The following CTNNA3 variants were observed in gnomAD, a reference collection of about 807,000 sequenced individuals.
CTNNA3 encodes catenin alpha 3, also known as catenin alpha-3.
CTNNA3 carries 76 observed loss-of-function variants against 95.7 expected under a neutral mutation model. That is an observed-to-expected ratio of 0.79 (90% CI 0.66 to 0.96). CTNNA3 has a LOEUF of 0.96. CTNNA3 is among the 40% of genes least tolerant of loss of function. CTNNA3 has a pLI of 0.00. For synonymous variants in CTNNA3, 431 were observed against 374.4 expected, an observed-to-expected ratio of 1.15 and a Z score of -1.74; for missense variants, 1,191 against 1,089.8, an observed-to-expected ratio of 1.09 and a Z score of -1.31.
intron 17 of CTNNA3, among the ~76,000 whole-genome samples, chr10:65,926,029 C>T (rs1284233090): frequency 6.7e-6 from 1 of 149,358 alleles, no homozygotes; most frequent in Non-Finnish European, 1.5e-5. Context: ...GTAATGTATG[C>T]TAGATGTATT....
intron 6 of CTNNA3, among the ~76,000 whole-genome samples, chr10:67,215,146 T>C (rs1864300823): frequency 6.6e-6 from 1 of 152,122 alleles, no homozygotes; most frequent in African/African-American, 2.4e-5. Flanking sequence ...TCTTCAAATA[T>C]CTTTCAGATC....
chr10:66,955,778 T>C (rs551582152), intron 7 of CTNNA3, among the ~76,000 whole-genome samples: 3 of 152,312 alleles, frequency 2.0e-5, no homozygotes, highest in Admixed American at 6.5e-5. Context: ...TCTTCATTGA[T>C]GGTATAAACA....
intron 5 of CTNNA3, among the ~76,000 whole-genome samples, chr10:67,305,130 G>A (rs1456715329): frequency 6.6e-6 from 1 of 152,024 alleles, no homozygotes; most frequent in African/African-American, 2.4e-5. Context: ...CAAAAAATTA[G>A]CAGGGAGTGG....
At chr10:66,980,882 CCA>C (rs1438562072) in intron 7 of CTNNA3, among the ~76,000 whole-genome samples, 2 of 152,014 alleles carry the variant, frequency 1.3e-5, no homozygotes, top group East Asian at 3.9e-4. Flanking sequence ...CTTCAAGCAT[CCA>C]CAGTTTTTCT....
rs1185735505 is a variant in CTNNA3, at chr10:67,691,425, G to A, written c.-6+4575C>T. Among the ~76,000 whole-genome samples, 7 of 151,654 alleles carry A rather than the reference G, an allele frequency of 4.6e-5. No individual in the cohort carries two copies. The East Asian group carries it at 1.4e-3, about 30-fold the overall frequency. On this transcript the variant is annotated intron_variant, in intron 1 of 17. Coordinates refer to ENST00000433211, the MANE Select transcript of CTNNA3 (RefSeq NM_013266.4). Reference sequence around the variant, plus strand: ...AAGTGAGGAGCGTCTCTGCCTGGCCGCCATCCCATCTAGGAAGTGAGGAGC... The same window carrying A: ...AAGTGAGGAGCGTCTCTGCCTGGCCACCATCCCATCTAGGAAGTGAGGAGC...
intron 5 of CTNNA3, among the ~76,000 whole-genome samples, chr10:67,426,807 A>G (rs187123488): frequency 1.4e-5 from 2 of 143,066 alleles, no homozygotes; most frequent in African/African-American, 5.2e-5. Context: ...AAGTATAATT[A>G]AAAAAAAAAA....
chr10:66,915,428 G>C (rs559976474), intron 7 of CTNNA3, among the ~76,000 whole-genome samples: 1 of 151,944 alleles, frequency 6.6e-6, no homozygotes, highest in Non-Finnish European at 1.5e-5. Flanking sequence ...CTATCAATCA[G>C]TAATACTGGA....
chr10:66,626,212 AC>A (rs1844929267), intron 9 of CTNNA3, among the ~76,000 whole-genome samples: 1 of 152,182 alleles, frequency 6.6e-6, no homozygotes, highest in Non-Finnish European at 1.5e-5. Context: ...AGGAATGAGT[AC>A]ACTATTTGGA....
chr10:67,417,166 A>T, intron 5 of CTNNA3, among the ~76,000 whole-genome samples: 1 of 152,218 alleles, frequency 6.6e-6, no homozygotes, highest in East Asian at 1.9e-4. Flanking sequence ...GAGCCCTTGG[A>T]GGTCATAATC....
At chr10:66,788,416 G>A (rs992484988) in intron 7 of CTNNA3, among the ~76,000 whole-genome samples, 1 of 152,132 alleles carries the variant, frequency 6.6e-6, no homozygotes, top group African/African-American at 2.4e-5. Flanking sequence ...AGATTGCTGT[G>A]ATGATAATCG....
At chr10:66,404,462 G>A (rs2093042307) in intron 11 of CTNNA3, among the ~76,000 whole-genome samples, 1 of 152,164 alleles carries the variant, frequency 6.6e-6, no homozygotes, top group Non-Finnish European at 1.5e-5. Context: ...TACTTATTGA[G>A]ATTCTATTGT....
intron 12 of CTNNA3, among the ~76,000 whole-genome samples, chr10:66,281,327 C>T (rs1200906193): frequency 1.3e-5 from 2 of 151,818 alleles, no homozygotes; most frequent in Non-Finnish European, 2.9e-5. Flanking sequence ...TTCAATTTTA[C>T]TTTTAAGGTT....
At chr10:66,049,896 G>C (rs888050693) in intron 15 of CTNNA3, among the ~76,000 whole-genome samples, 1 of 152,040 alleles carries the variant, frequency 6.6e-6, no homozygotes, top group East Asian at 1.9e-4. Context: ...CCGTGTAAAT[G>C]TATTTGCCTA....
At chr10:66,715,917 A>T (rs746480417) in intron 9 of CTNNA3, among the ~76,000 whole-genome samples, 44 of 151,424 alleles carry the variant, frequency 2.9e-4, no homozygotes, top group Non-Finnish European at 4.9e-4. Flanking sequence ...AACAAAAATA[A>T]AATTATTTTT....
At position 66,857,720 on chromosome 10, in the gene CTNNA3, C is replaced by T. The variant is rs148482121; in HGVS notation, c.1048-82196G>A. Among the ~76,000 whole-genome samples the T allele has an allele frequency of 1.0e-3, 157 of 151,820 alleles. 1 individual carries two copies. The highest frequency in any genetic ancestry group is 3.4e-3 in the Middle Eastern group (1 of 294). On this transcript the variant is annotated intron_variant, in intron 7 of 17. Coordinates refer to ENST00000433211, the MANE Select transcript of CTNNA3 (RefSeq NM_013266.4). ...TGCCTCTCAGCTTGGCTCTTGTTGG[C>T]GTATAGTAATGTTAGTGATTTTTGT...
At chr10:67,607,554 G>C (rs1843318612) in intron 2 of CTNNA3, among the ~76,000 whole-genome samples, 2 of 152,112 alleles carry the variant, frequency 1.3e-5, no homozygotes, top group Admixed American at 1.3e-4. Context: ...GAAGGCAGGA[G>C]AGGCAGGCAC....
At chr10:67,371,620 G>A (rs1843469420) in intron 5 of CTNNA3, among the ~76,000 whole-genome samples, 1 of 152,140 alleles carries the variant, frequency 6.6e-6, no homozygotes, top group Non-Finnish European at 1.5e-5. Flanking sequence ...TCTTAATCCA[G>A]TCTATCATTG....
chr10:66,723,875 A>T (rs1436968148), intron 9 of CTNNA3, among the ~76,000 whole-genome samples: 1 of 152,192 alleles, frequency 6.6e-6, no homozygotes, highest in African/African-American at 2.4e-5. Context: ...AAATAATTGA[A>T]ATTAGAAAAA....
At chr10:66,691,633 A>T (rs1184819190) in intron 9 of CTNNA3, among the ~76,000 whole-genome samples, 1 of 152,140 alleles carries the variant, frequency 6.6e-6, no homozygotes, top group Non-Finnish European at 1.5e-5. Flanking sequence ...GCAGCTGGAG[A>T]TCTGAGAATG....
Sources: gnomAD v4.1 joint callset for allele counts (sites outside exome capture counted in the v4.1 genomes callset) on GRCh38, gnomAD v4.1.1 for gene constraint, MANE v1.5 for transcripts, NCBI Gene and HGNC (gene_info 2026-07-23, HGNC 2026-07-21) for gene names.